The following PTPRT variants were observed in gnomAD, a reference collection of about 807,000 sequenced individuals.
PTPRT encodes the protein receptor-type tyrosine-protein phosphatase T.
A neutral mutation model predicts 176.8 loss-of-function variants in PTPRT; 56 were observed. The observed-to-expected ratio is 0.32, with a 90% CI of 0.26 to 0.40. The LOEUF is 0.40. PTPRT is among the 10% of genes least tolerant of loss of function. The pLI is 1.00. For synonymous variants in PTPRT, 783 were observed against 739.0 expected (o/e 1.06, Z -0.96); for missense variants, 1,540 against 1,908.2 (o/e 0.81, Z 3.60).
At chr20:42,421,497 G>A (rs565918939) in intron 9 of PTPRT, among the ~76,000 whole-genome samples, 34 of 152,196 alleles carry the variant, frequency 2.2e-4, no homozygotes, top group Non-Finnish European at 4.7e-4. Flanking sequence ...ACAGAGTTGT[G>A]GGATTTCAGG....
intron 7 of PTPRT, among the ~76,000 whole-genome samples, chr20:42,672,287 T>C (rs1218114353): frequency 1.3e-5 from 2 of 152,170 alleles, no homozygotes; most frequent in African/African-American, 4.8e-5. Flanking sequence ...TAGACTGGCT[T>C]AGTCTACTGG....
At chr20:42,416,000 T>C (rs2059062766) in intron 9 of PTPRT, among the ~76,000 whole-genome samples, 1 of 152,218 alleles carries the variant, frequency 6.6e-6, no homozygotes. Context: ...TTTCTCTTCC[T>C]GTAGTGGGTT....
chr20:42,207,792 C>A (rs1290625142), intron 15 of PTPRT, among the ~76,000 whole-genome samples: 1 of 25,080 alleles, frequency 4.0e-5, no homozygotes, highest in East Asian at 8.8e-4. Flanking sequence ...ATACAGAGAA[C>A]GCCACAAAGA....
intron 11 of PTPRT, among the ~76,000 whole-genome samples, chr20:42,341,709 A>C (rs1018394477): frequency 2.6e-5 from 4 of 152,190 alleles, no homozygotes; most frequent in African/African-American, 9.6e-5. Flanking sequence ...CCTCTCCAGC[A>C]CTCCAGACTT....
intron 2 of PTPRT, among the ~76,000 whole-genome samples, chr20:42,798,539 T>C (rs181554721): frequency 1.6e-4 from 25 of 152,212 alleles, no homozygotes; most frequent in Non-Finnish European, 3.1e-4. Flanking sequence ...GCAATCTAAT[T>C]ATCAAGTGTC....
At chr20:42,422,082 A>G (rs901398661) in intron 9 of PTPRT, among the ~76,000 whole-genome samples, 1 of 152,266 alleles carries the variant, frequency 6.6e-6, no homozygotes, top group African/African-American at 2.4e-5. Context: ...TAAATGTAAA[A>G]TCCAAAACTA....
intron 7 of PTPRT, among the ~76,000 whole-genome samples, chr20:42,480,333 G>A (rs1440265147): frequency 6.6e-6 from 1 of 152,206 alleles, no homozygotes; most frequent in South Asian, 2.1e-4. Flanking sequence ...ACCCAGAGTG[G>A]GAGGTGAGAC....
chr20:43,020,562 T>C (rs541423157), intron 1 of PTPRT, among the ~76,000 whole-genome samples: 1 of 152,230 alleles, frequency 6.6e-6, no homozygotes, highest in African/African-American at 2.4e-5. Flanking sequence ...TGATTTAAAA[T>C]AGAACAGTTT....
intron 7 of PTPRT, among the ~76,000 whole-genome samples, chr20:42,610,729 C>A (rs1422315663): frequency 6.6e-6 from 1 of 152,082 alleles, no homozygotes; most frequent in Non-Finnish European, 1.5e-5. Flanking sequence ...ACAATTCATC[C>A]ATTTAAAGTG....
chr20:43,096,904 T>C (rs1265434600), intron 1 of PTPRT, among the ~76,000 whole-genome samples: 3 of 152,020 alleles, frequency 2.0e-5, no homozygotes, highest in Non-Finnish European at 2.9e-5. Flanking sequence ...GGGGTCCAGC[T>C]CCCTGTGGCC....
chr20:42,209,347 T>C (rs2055558742), intron 15 of PTPRT, among the ~76,000 whole-genome samples: 1 of 151,880 alleles, frequency 6.6e-6, no homozygotes, highest in Non-Finnish European at 1.5e-5. Context: ...AAAAAATTAA[T>C]GAATCCAGGA....
intron 2 of PTPRT, among the ~76,000 whole-genome samples, chr20:42,822,521 C>T (rs1050634437): frequency 1.3e-5 from 2 of 152,100 alleles, no homozygotes; most frequent in Admixed American, 6.6e-5. Flanking sequence ...ATGCCAAAAG[C>T]AATTGCAACA....
chr20:42,883,113 A>T (rs1264207366), intron 2 of PTPRT, among the ~76,000 whole-genome samples: 1 of 152,230 alleles, frequency 6.6e-6, no homozygotes, highest in African/African-American at 2.4e-5. Context: ...GAAGCCTCAG[A>T]AAGCCTTAAG....
chr20:43,091,475 C>T (rs867151503), intron 1 of PTPRT, among the ~76,000 whole-genome samples: 1 of 132,014 alleles, frequency 7.6e-6, no homozygotes, highest in African/African-American at 3.6e-5. Flanking sequence ...CTCTCTTTCT[C>T]TCTCTCTCTC....
chr20:42,748,024 G>A (rs933922869), intron 6 of PTPRT, among the ~76,000 whole-genome samples: 4 of 152,314 alleles, frequency 2.6e-5, no homozygotes, highest in African/African-American at 9.6e-5. Flanking sequence ...TCAGCAAACT[G>A]TGGCCAAATC....
intron 18 of PTPRT, among the ~76,000 whole-genome samples, chr20:42,138,633 C>T (rs1351603720): frequency 1.3e-5 from 2 of 152,176 alleles, no homozygotes; most frequent in East Asian, 1.9e-4. Flanking sequence ...ATGGAGAATG[C>T]TTTGGGATTC....
intron 7 of PTPRT, among the ~76,000 whole-genome samples, chr20:42,478,663 C>T (rs2071331490): frequency 6.6e-6 from 1 of 152,100 alleles, no homozygotes; most frequent in Admixed American, 6.6e-5. Context: ...CAAGGCCCAG[C>T]TCCAATGCCA....
chr20:42,439,879 G>C (rs1039764678), intron 9 of PTPRT, among the ~76,000 whole-genome samples: 16 of 152,044 alleles, frequency 1.1e-4, no homozygotes, highest in African/African-American at 3.4e-4. Flanking sequence ...TCTATACATT[G>C]TTTCAAGCTC....
chr20:43,128,916 T>G (rs1011709436), intron 1 of PTPRT, among the ~76,000 whole-genome samples: 1 of 152,208 alleles, frequency 6.6e-6, no homozygotes, highest in Non-Finnish European at 1.5e-5. Context: ...ATCACAATTT[T>G]AAAGTTATAT....
Sources: allele counts gnomAD v4.1 joint callset (sites outside exome capture counted in the v4.1 genomes callset), GRCh38; gene constraint gnomAD v4.1.1; transcripts MANE v1.5; gene names NCBI Gene and HGNC (gene_info 2026-07-23, HGNC 2026-07-21).